Variants in BBX observed in about 807,000 individuals in gnomAD.
BBX encodes the protein BBX high mobility group box domain containing, also known as HMG box transcription factor BBX.
In BBX, 30 loss-of-function variants were observed where a neutral mutation model predicts 100.2. The observed-to-expected ratio is 0.30, with a 90% CI of 0.22 to 0.41. The LOEUF is 0.41. Ranked by LOEUF, BBX falls within the 10% of genes least tolerant of loss-of-function variation. BBX has a pLI of 1.00. For synonymous variants in BBX, 376 were observed against 388.1 expected (o/e 0.97, Z 0.37); for missense variants, 1,023 against 1,129.8 (o/e 0.91, Z 1.35).
At chr3:107,698,310 A>AAT (rs1418769901) in intron 3 of BBX, among the ~76,000 whole-genome samples, 33 of 151,660 alleles carry the variant, frequency 2.2e-4, no homozygotes, top group South Asian at 1.2e-3. Flanking sequence ...GATGAAATTT[A>AAT]ATATATATAT....
chr3:107,546,753 T>A (rs2049268843), intron 2 of BBX, among the ~76,000 whole-genome samples: 1 of 152,192 alleles, frequency 6.6e-6, no homozygotes, highest in Non-Finnish European at 1.5e-5. Context: ...TTGATCATGA[T>A]TTGGGACCTG....
At chr3:107,744,937 A>T (rs975669661) in intron 8 of BBX, among the ~76,000 whole-genome samples, 2 of 152,204 alleles carry the variant, frequency 1.3e-5, no homozygotes, top group African/African-American at 4.8e-5. Context: ...CATACTAAAT[A>T]TTATTAACCT....
intron 2 of BBX, among the ~76,000 whole-genome samples, chr3:107,536,337 A>C (rs2048488451): frequency 6.6e-6 from 1 of 152,216 alleles, no homozygotes; most frequent in Non-Finnish European, 1.5e-5. Context: ...AGCCTAATTC[A>C]GATATGGAAG....
intron 2 of BBX, 25 bp downstream of exon 2, chr3:107,526,423 G>A (rs2047782142): frequency 2.5e-6 from 1 of 398,418 alleles, no homozygotes; most frequent in South Asian, 1.3e-4. Context: ...TGTTCGTACA[G>A]GGAAGCAGGA....
intron 10 of BBX, among the ~76,000 whole-genome samples, chr3:107,765,663 T>G (rs1033829353): frequency 6.6e-6 from 1 of 152,168 alleles, no homozygotes; most frequent in Non-Finnish European, 1.5e-5. Flanking sequence ...CAGACCTTTC[T>G]GACTACACAA....
rs568464625 is a variant in BBX, at chr3:107,591,613, G to A, written c.-83-54223G>A. Reference sequence around the variant, plus strand: ...ACTGATCCTCCTGCCTCATACTCCCGAGTAGCTGGGACCACAGGCATGCGC... The same window carrying A: ...ACTGATCCTCCTGCCTCATACTCCCAAGTAGCTGGGACCACAGGCATGCGC... On this transcript the variant is annotated intron_variant, in intron 2 of 17. Transcript: ENST00000325805. Among the ~76,000 whole-genome samples, 6 of 152,244 alleles carry A rather than the reference G, an allele frequency of 3.9e-5. No individual in the cohort carries two copies. The South Asian group carries it at 8.3e-4, about 21-fold the overall frequency.
rs7638789 is a variant in BBX at position 107,546,003 on chromosome 3, G to A, written c.-84+19605G>A. ...AGTGCTTGTTTATCGTAGCTCAAAG[G>A]TGCTAATTGTTTCTAGCAGGAGTAT... On this transcript the variant is annotated intron_variant, in intron 2 of 17. Transcript: ENST00000325805. Among the ~76,000 whole-genome samples, 911 of 152,280 alleles carry A rather than the reference G, an allele frequency of 6.0e-3. 11 individuals are homozygous for A. The highest frequency in any genetic ancestry group is 0.021 in the African/African-American group (863 of 41,556).
intron 2 of BBX, among the ~76,000 whole-genome samples, chr3:107,595,880 A>G (rs1016562334): frequency 6.6e-6 from 1 of 152,204 alleles, no homozygotes; most frequent in Non-Finnish European, 1.5e-5. Context: ...TAAATAGCCT[A>G]CTATTGACTG....
At chr3:107,673,158 A>G (rs1428000241) in intron 3 of BBX, among the ~76,000 whole-genome samples, 1 of 152,104 alleles carries the variant, frequency 6.6e-6, no homozygotes, top group African/African-American at 2.4e-5. Context: ...ATCAAGTTAG[A>G]TGAAGTTAAT....
At chr3:107,671,995 A>G (rs1404266918) in intron 3 of BBX, among the ~76,000 whole-genome samples, 1 of 152,126 alleles carries the variant, frequency 6.6e-6, no homozygotes, top group Non-Finnish European at 1.5e-5. Flanking sequence ...ACCAAATTTT[A>G]ATCGTTGATA....
At chr3:107,590,613 A>G (rs1344443712) in intron 2 of BBX, among the ~76,000 whole-genome samples, 2 of 152,148 alleles carry the variant, frequency 1.3e-5, no homozygotes, top group African/African-American at 4.8e-5. Flanking sequence ...ATACACATCT[A>G]TCTTACATTC....
chr3:107,807,879 T>G lies in BBX; in HGVS notation c.*2422T>G, dbSNP rs1411203201. ...AGATACTTTAAAACAAACCTTTTTG[T>G]AGAAATGCTTAATTTTTAAGCGGTT... On this transcript the variant is annotated 3_prime_UTR_variant, in exon 18 of 18. Transcript: ENST00000325805. 1 of 152,164 alleles carries G rather than the reference T, an allele frequency of 6.6e-6. No homozygotes were observed. The highest frequency in any genetic ancestry group is 2.4e-5 in the African/African-American group (1 of 41,442). 9.4% of individuals were successfully genotyped at this position (152,164 alleles called of 1,614,324 possible).
chr3:107,555,975 A>T (rs2050068742), intron 2 of BBX, among the ~76,000 whole-genome samples: 1 of 152,248 alleles, frequency 6.6e-6, no homozygotes, highest in African/African-American at 2.4e-5. Flanking sequence ...TGATAGAAAC[A>T]TAATGGGGCA....
chr3:107,765,112 T>C (rs952286846), intron 10 of BBX, among the ~76,000 whole-genome samples: 1 of 152,234 alleles, frequency 6.6e-6, no homozygotes, highest in African/African-American at 2.4e-5. Flanking sequence ...CAAAACAGTC[T>C]ACCAAAGACA....
chr3:107,756,256 G>A (rs1397517000), intron 10 of BBX, among the ~76,000 whole-genome samples: 2 of 152,098 alleles, frequency 1.3e-5, no homozygotes, highest in Non-Finnish European at 2.9e-5. Flanking sequence ...GGAAGACGCC[G>A]GAAGCATCTG....
intron 3 of BBX, among the ~76,000 whole-genome samples, chr3:107,664,734 T>C (rs1039450035): frequency 6.6e-6 from 1 of 152,254 alleles, no homozygotes; most frequent in African/African-American, 2.4e-5. Context: ...GTTTCTGACT[T>C]CTAAGAAATA....
chr3:107,543,381 A>C (rs751006987), intron 2 of BBX, among the ~76,000 whole-genome samples: 14 of 152,202 alleles, frequency 9.2e-5, no homozygotes, highest in African/African-American at 1.4e-4. Context: ...AATTCACGAC[A>C]CCATCTTTAC....
rs1434992780 is a variant in BBX at position 107,774,708 on chromosome 3, A to G, written c.1916-11A>G. On this transcript the variant is annotated splice_polypyrimidine_tract_variant and intron_variant, in intron 11 of 17. Coordinates refer to ENST00000325805, the MANE Select transcript of BBX (RefSeq NM_001142568.3). ...TATACCAAACACATCCTTTCTCTTG[A>G]ATTTTCTTAGGAAAACGAAGCTCAG... is the stretch of plus-strand genomic sequence containing the variant. 1 of 1,611,536 alleles carries G rather than the reference A, an allele frequency of 6.2e-7. No individual in the cohort carries two copies. Among genetic ancestry groups the G allele is most frequent in the Non-Finnish European group, 8.5e-7 (1 of 1,178,936 alleles).
intron 2 of BBX, among the ~76,000 whole-genome samples, chr3:107,604,632 A>G (rs542223315): frequency 6.6e-6 from 1 of 152,258 alleles, no homozygotes; most frequent in Non-Finnish European, 1.5e-5. Flanking sequence ...CAGTCATGTC[A>G]CACTGTTGAC....
Sources: gnomAD v4.1 joint callset for allele counts (sites outside exome capture counted in the v4.1 genomes callset) on GRCh38, gnomAD v4.1.1 for gene constraint, MANE v1.5 for transcripts, NCBI Gene and HGNC (gene_info 2026-07-23, HGNC 2026-07-21) for gene names.